The following CISD2 variants were observed in gnomAD, a reference collection of about 807,000 sequenced individuals.
CISD2 encodes the protein CDGSH iron sulfur domain 2, also known as CDGSH iron-sulfur domain-containing protein 2.
CISD2 carries 1 observed loss-of-function variant against 12.9 expected under a neutral mutation model. That is an observed-to-expected ratio of 0.08 (90% CI 0.03 to 0.37). The LOEUF is 0.37. Among genes scored for constraint, CISD2 ranks in the 10% least tolerant of loss-of-function variants. The pLI is 0.99. For synonymous variants in CISD2, 50 were observed against 60.6 expected (o/e 0.83, Z 0.81); for missense variants, 97 against 163.1 (o/e 0.59, Z 2.21).
chr4:102,889,975 G>A lies in CISD2; in HGVS notation c.*2545G>A, dbSNP rs548072334. On this transcript the variant is annotated 3_prime_UTR_variant, in exon 3 of 3. Coordinates refer to ENST00000273986, the MANE Select transcript of CISD2 (RefSeq NM_001008388.5). The stretch of plus-strand genomic sequence containing the variant: ...TCTAGAGCCTTCAAAATACAGCCCT[G>A]TTGTTACTGCGTCACATGATTGTTT... 1.7e-5 allele frequency: 2 copies of A among 115,522 alleles called. No homozygotes were observed. The highest frequency in any genetic ancestry group is 4.3e-5 in the African/African-American group (1 of 23,204). The allele number at this position is 115,522 out of a possible 1,614,324, so 7.2% of individuals were successfully genotyped here. A position where few individuals can be genotyped will look rare whatever the true frequency, so the allele number is the denominator to read the frequency against.
intron 1 of CISD2, 173 bp downstream of exon 1, chr4:102,869,360 A>C (rs753006325): frequency 4.5e-5 from 38 of 852,800 alleles, no homozygotes; most frequent in Non-Finnish European, 6.1e-5. Flanking sequence ...AACGCCTGTG[A>C]GGCAGTCTCC....
At chr4:102,878,045 G>T (rs1733631050) in intron 1 of CISD2, among the ~76,000 whole-genome samples, 1 of 152,020 alleles carries the variant, frequency 6.6e-6, no homozygotes, top group Admixed American at 6.5e-5. Context: ...CCATTGTCTT[G>T]GCAATTAATA....
intron 1 of CISD2, among the ~76,000 whole-genome samples, chr4:102,874,953 G>A (rs1485531089): frequency 6.6e-6 from 1 of 152,162 alleles, no homozygotes; most frequent in Non-Finnish European, 1.5e-5. Flanking sequence ...ATACCAGAGT[G>A]ACTTCATAGG....
At chr4:102,873,735 A>G (rs1326555800) in intron 1 of CISD2, among the ~76,000 whole-genome samples, 1 of 150,864 alleles carries the variant, frequency 6.6e-6, no homozygotes, top group East Asian at 1.9e-4. Context: ...TCTCAAAAAA[A>G]AAAAAAAAAA....
At position 102,869,079 on chromosome 4, in the gene CISD2, G is replaced by A; in HGVS notation, c.-6G>A. The stretch of plus-strand genomic sequence containing the variant: ...CTCGGGAGAGGAGTGGACGCCGCTG[G>A]CCAGGATGGTGCTGGAGAGCGTGGC... On this transcript the variant is annotated 5_prime_UTR_variant, in exon 1 of 3. Transcript: ENST00000273986. 6.2e-7 allele frequency: 1 copy of A among 1,607,936 alleles called. No homozygotes were observed. The highest frequency in any genetic ancestry group is 8.5e-7 in the Non-Finnish European group (1 of 1,177,742).
intron 1 of CISD2, among the ~76,000 whole-genome samples, chr4:102,869,954 C>A (rs768377188): frequency 1.3e-5 from 2 of 152,142 alleles, no homozygotes; most frequent in Non-Finnish European, 2.9e-5. Context: ...ATGAAAATCT[C>A]CAGAATGCAG....
At chr4:102,885,023 C>G in intron 1 of CISD2, 193 bp from the exon 2 acceptor site, 1 of 563,044 alleles carries the variant, frequency 1.8e-6, no homozygotes, top group Non-Finnish European at 3.2e-6. Context: ...TCACTGGTCT[C>G]AAATTATAAA....
At chr4:102,880,965 T>G (rs974106235) in intron 1 of CISD2, among the ~76,000 whole-genome samples, 4 of 148,950 alleles carry the variant, frequency 2.7e-5, no homozygotes, top group African/African-American at 9.9e-5. Context: ...CACTCCAGCC[T>G]GGGAAACAGA....
chr4:102,885,204 C>G lies in CISD2; in HGVS notation c.104-12C>G. ...AAGAGCACTGCAGATTCTGACACAT[C>G]TACATGTTTAGTTTCAGAATGGCTT... is the stretch of plus-strand genomic sequence containing the variant. On this transcript the variant is annotated splice_polypyrimidine_tract_variant and intron_variant, in intron 1 of 2. Transcript: ENST00000273986. 6.2e-7 allele frequency: 1 copy of G among 1,606,582 alleles called. No individual in the cohort carries two copies. The highest frequency in any genetic ancestry group is 8.5e-7 in the Non-Finnish European group (1 of 1,173,182).
At chr4:102,877,457 G>A (rs1206078886) in intron 1 of CISD2, among the ~76,000 whole-genome samples, 2 of 152,222 alleles carry the variant, frequency 1.3e-5, no homozygotes, top group African/African-American at 4.8e-5. Flanking sequence ...CTGATGCCAG[G>A]GGTAGGCTCC....
chr4:102,872,321 C>T lies in CISD2; in HGVS notation c.103+3134C>T, dbSNP rs550265063. 8.9e-4 allele frequency among the ~76,000 whole-genome samples: 136 copies of T among 152,282 alleles called. 1 individual carries two copies. The highest frequency in any genetic ancestry group is 3.0e-3 in the African/African-American group (126 of 41,558). On this transcript the variant is annotated intron_variant, in intron 1 of 2. Transcript: ENST00000273986. ...CTGACCTCAGGTAATCCGTCTGCCT[C>T]GGCCGCCCAAAGTGCTGGGATTACA...
At chr4:102,872,185 C>G (rs1304944735) in intron 1 of CISD2, among the ~76,000 whole-genome samples, 4 of 152,164 alleles carry the variant, frequency 2.6e-5, no homozygotes, top group Non-Finnish European at 5.9e-5. Context: ...GCTTATGCCT[C>G]AGCCTCCTAA....
chr4:102,869,778 T>C (rs1285594116), intron 1 of CISD2, among the ~76,000 whole-genome samples: 1 of 152,182 alleles, frequency 6.6e-6, no homozygotes, highest in Admixed American at 6.5e-5. Context: ...CGGGGCCCGC[T>C]GCGGTAACTT....
chr4:102,881,916 G>C (rs1414458813), intron 1 of CISD2, among the ~76,000 whole-genome samples: 1 of 152,178 alleles, frequency 6.6e-6, no homozygotes, highest in Non-Finnish European at 1.5e-5. Context: ...TTTCAACCAG[G>C]CATGGTGGCT....
In CISD2 at chr4:102,887,409, A is replaced by G. The variant is rs1408979029; in HGVS notation, c.387A>G (p.Ile129Met). Residue 129 changes from isoleucine to methionine, a missense_variant, in exon 3 of 3, where the codon ATA becomes ATG. By Grantham distance (10) the Ile-to-Met change is conservative. Coordinates refer to ENST00000273986, the MANE Select transcript of CISD2 (RefSeq NM_001008388.5). ...ELTGDNVGPLILKKKEV is the reference protein window; with the variant it reads ...ELTGDNVGPLMLKKKEV ...CAGGAGATAATGTGGGTCCACTAAT[A>G]CTGAAGAAGAAAGAAGTATAATAAT... is the stretch of plus-strand genomic sequence containing the variant. 1 of 1,151,934 alleles carries G rather than the reference A, an allele frequency of 8.7e-7. No individual in the cohort carries two copies. The highest frequency in any genetic ancestry group is 1.3e-6 in the Non-Finnish European group (1 of 764,050). 71.4% of individuals were successfully genotyped at this position (1,151,934 alleles called of 1,614,324 possible).
At chr4:102,876,403 C>T (rs1029378924) in intron 1 of CISD2, among the ~76,000 whole-genome samples, 1 of 152,190 alleles carries the variant, frequency 6.6e-6, no homozygotes, top group Admixed American at 6.5e-5. Context: ...GCATTTAGCA[C>T]AGTATCTCTA....
intron 1 of CISD2, among the ~76,000 whole-genome samples, chr4:102,883,769 G>T (rs1733786026): frequency 6.6e-6 from 1 of 152,162 alleles, no homozygotes; most frequent in Non-Finnish European, 1.5e-5. Flanking sequence ...TTTTATTCTG[G>T]TAACTACAAG....
intron 1 of CISD2, among the ~76,000 whole-genome samples, chr4:102,879,687 G>A (rs370054863): frequency 7.9e-5 from 12 of 152,090 alleles, no homozygotes; most frequent in Admixed American, 5.9e-4. Flanking sequence ...CAGGAGAATC[G>A]CTTGAACCCG....
intron 1 of CISD2, among the ~76,000 whole-genome samples, chr4:102,881,667 T>C (rs223317): frequency 0.39 from 58,641 of 152,074 alleles, 11,584 homozygotes; most frequent in African/African-American, 0.48. Context: ...AGTAGTTAAA[T>C]TGTAGTTGGT....
Sources: gnomAD v4.1 joint callset for allele counts (sites outside exome capture counted in the v4.1 genomes callset) on GRCh38, gnomAD v4.1.1 for gene constraint, MANE v1.5 for transcripts, NCBI Gene and HGNC (gene_info 2026-07-23, HGNC 2026-07-21) for gene names.